SLC25A21: variants seen among roughly 807,000 people sequenced by gnomAD.
SLC25A21 encodes the protein mitochondrial 2-oxodicarboxylate carrier.
Under a neutral mutation model 43.8 loss-of-function variants are expected in SLC25A21, and 47 were observed. The observed-to-expected ratio is 1.07, with a 90% confidence interval of 0.85 to 1.37. The LOEUF is 1.37. SLC25A21 is among the 40% of genes most tolerant of loss of function. The pLI, the probability that SLC25A21 is intolerant of heterozygous loss-of-function variation, is 0.00. For synonymous variants in SLC25A21, 131 were observed against 121.3 expected (o/e 1.08, Z -0.52); for missense variants, 352 against 350.2 (o/e 1.00, Z -0.04).
intron 1 of SLC25A21, among the ~76,000 whole-genome samples, chr14:36,927,602 C>T (rs898444819): frequency 7.9e-5 from 12 of 152,104 alleles, no homozygotes; most frequent in Non-Finnish European, 1.3e-4. Flanking sequence ...ACCATGTCTC[C>T]ATTTTATTCA....
At chr14:36,751,253 T>A (rs1244599383) in intron 3 of SLC25A21, among the ~76,000 whole-genome samples, 1 of 152,228 alleles carries the variant, frequency 6.6e-6, no homozygotes, top group Non-Finnish European at 1.5e-5. Context: ...TTCTCTCTCA[T>A]TCTGCTAAGA....
At position 37,137,143 on chromosome 14, in the gene SLC25A21, G is replaced by A. The variant is rs1172554611; in HGVS notation, c.70+35138C>T. Among the ~76,000 whole-genome samples the A allele has an allele frequency of 3.2e-4, 49 of 152,210 alleles. 1 individual carries two copies. The highest frequency in any genetic ancestry group is 5.9e-5 in the Non-Finnish European group (4 of 68,006). On this transcript the variant is annotated intron_variant, in intron 1 of 9. Coordinates refer to ENST00000331299, the MANE Select transcript of SLC25A21 (RefSeq NM_030631.4). The stretch of plus-strand genomic sequence containing the variant: ...CTCCTGAGTAGCTGGGACTACAGGC[G>A]CCCGCCACCTCGCCCAGCTAATTTT...
chr14:36,700,842 CA>C (rs1314437056), intron 7 of SLC25A21, among the ~76,000 whole-genome samples: 8 of 152,160 alleles, frequency 5.3e-5, no homozygotes, highest in Admixed American at 2.0e-4. Flanking sequence ...ACTGGTTAAG[CA>C]CCTGGTAGCA....
rs1290302668 is a variant in SLC25A21, at chr14:36,680,310, T to C, written c.*348A>G. ...TTTCTAGACCTCTTAGGAAAAATGCTGATCAATACAATGAATTTTCATTGT... is the reference window on the plus strand; with the variant it reads ...TTTCTAGACCTCTTAGGAAAAATGCCGATCAATACAATGAATTTTCATTGT... On this transcript the variant is annotated 3_prime_UTR_variant, in exon 10 of 10. Transcript: ENST00000331299. 1 of 996,878 alleles carries C rather than the reference T, an allele frequency of 1.0e-6. No individual in the cohort carries two copies. Among genetic ancestry groups the C allele is most frequent in the Non-Finnish European group, 1.2e-6 (1 of 837,372 alleles). The allele number at this position is 996,878 out of a possible 1,614,324, so 61.8% of individuals were successfully genotyped here. A position where few individuals can be genotyped will look rare whatever the true frequency, so the allele number is the denominator to read the frequency against.
chr14:36,684,013 G>C, intron 8 of SLC25A21, 133 bp from the exon 9 acceptor site: 1 of 568,276 alleles, frequency 1.8e-6, no homozygotes, highest in East Asian at 3.0e-5. Context: ...AAAGCAGACA[G>C]CATCTTAGTA....
chr14:36,981,518 A>G (rs1394754749), intron 1 of SLC25A21, among the ~76,000 whole-genome samples: 4 of 152,218 alleles, frequency 2.6e-5, no homozygotes, highest in African/African-American at 9.6e-5. Flanking sequence ...ATAAAAAAGG[A>G]TAAGTTCATG....
At chr14:36,827,640 A>G (rs1888884577) in intron 2 of SLC25A21, among the ~76,000 whole-genome samples, 1 of 152,204 alleles carries the variant, frequency 6.6e-6, no homozygotes. Context: ...TAATGCCAAG[A>G]TAACTTTCTA....
intron 1 of SLC25A21, among the ~76,000 whole-genome samples, chr14:37,055,814 T>A (rs1340854835): frequency 6.6e-6 from 1 of 152,194 alleles, no homozygotes; most frequent in Non-Finnish European, 1.5e-5. Context: ...TTCACAAGTA[T>A]TATAAATTCT....
intron 1 of SLC25A21, among the ~76,000 whole-genome samples, chr14:36,923,447 A>G (rs986118733): frequency 1.3e-5 from 2 of 152,344 alleles, no homozygotes; most frequent in South Asian, 4.1e-4. Context: ...TCCTACAACC[A>G]GAAGAAAAAT....
chr14:37,131,901 T>C (rs1178462905), intron 1 of SLC25A21, among the ~76,000 whole-genome samples: 3 of 152,322 alleles, frequency 2.0e-5, no homozygotes, highest in East Asian at 3.9e-4. Context: ...CTTAAACTCC[T>C]GTGCTTGGGT....
chr14:36,727,336 T>C (rs769586775), intron 5 of SLC25A21, among the ~76,000 whole-genome samples: 4 of 152,262 alleles, frequency 2.6e-5, no homozygotes, highest in African/African-American at 4.8e-5. Flanking sequence ...CTCAAAATAA[T>C]GTGTGAAACC....
chr14:36,830,417 T>C (rs1197730318), intron 2 of SLC25A21, among the ~76,000 whole-genome samples: 1 of 152,192 alleles, frequency 6.6e-6, no homozygotes, highest in Non-Finnish European at 1.5e-5. Context: ...GTAACAAAGA[T>C]TGTGTGAATA....
At chr14:36,905,784 C>T (rs1891518083) in intron 1 of SLC25A21, among the ~76,000 whole-genome samples, 12 of 152,126 alleles carry the variant, frequency 7.9e-5, no homozygotes, top group Admixed American at 7.9e-4. Flanking sequence ...CTTTATGAGC[C>T]GCCTTGTCAC....
intron 1 of SLC25A21, among the ~76,000 whole-genome samples, chr14:36,903,325 GT>G (rs1355471606): frequency 6.6e-6 from 1 of 152,080 alleles, no homozygotes; most frequent in Non-Finnish European, 1.5e-5. Flanking sequence ...CCACAGATGT[GT>G]TTTGTTCAGT....
At chr14:37,055,255 A>G (rs148645580) in intron 1 of SLC25A21, among the ~76,000 whole-genome samples, 3 of 152,350 alleles carry the variant, frequency 2.0e-5, no homozygotes, top group African/African-American at 7.2e-5. Flanking sequence ...GATTTAATTA[A>G]TGACTATTAG....
intron 2 of SLC25A21, among the ~76,000 whole-genome samples, chr14:36,873,001 G>C (rs532047032): frequency 7.9e-5 from 12 of 152,302 alleles, no homozygotes; most frequent in South Asian, 2.1e-4. Context: ...TTGAGTGAAT[G>C]AGTGACCATA....
intron 1 of SLC25A21, among the ~76,000 whole-genome samples, chr14:36,975,248 A>G (rs1425370668): frequency 1.3e-5 from 2 of 152,310 alleles, no homozygotes; most frequent in East Asian, 3.9e-4. Context: ...TGGATGACCA[A>G]AGGTTACCTA....
chr14:36,846,109 A>C (rs770112890), intron 2 of SLC25A21, among the ~76,000 whole-genome samples: 4 of 152,162 alleles, frequency 2.6e-5, no homozygotes, highest in Non-Finnish European at 5.9e-5. Flanking sequence ...TTTACATTTA[A>C]ACCCCCAAAC....
At position 36,694,404 on chromosome 14, in the gene SLC25A21, T is replaced by C. The variant is rs1415582606; in HGVS notation, c.604-9479A>G. The stretch of plus-strand genomic sequence containing the variant: ...GCATGTGTCTTTATAGTAGCATGAT[T>C]TATAATCCTTTAGGTATATACCCAG... On this transcript the variant is annotated intron_variant, in intron 7 of 9. Transcript: ENST00000331299. Among the ~76,000 whole-genome samples the C allele has an allele frequency of 2.0e-5, 3 of 152,224 alleles. No homozygotes were observed. In the East Asian group the frequency reaches 5.8e-4, roughly 29 times the overall value.
Sources: allele counts gnomAD v4.1 joint callset (sites outside exome capture counted in the v4.1 genomes callset), GRCh38; gene constraint gnomAD v4.1.1; transcripts MANE v1.5; gene names NCBI Gene and HGNC (gene_info 2026-07-23, HGNC 2026-07-21).